The following FAM227A variants were observed in gnomAD, a reference collection of about 807,000 sequenced individuals.
FAM227A encodes the protein family with sequence similarity 227 member A.
FAM227A carries 80 observed loss-of-function variants against 74.7 expected under a neutral mutation model. The ratio of observed to expected loss-of-function variants is 1.07; its 90% CI spans 0.89 to 1.29. FAM227A has a LOEUF of 1.29. Among genes scored for constraint, FAM227A ranks in the 50% most tolerant of loss-of-function variants. FAM227A has a pLI of 0.00. For missense variants in FAM227A, 654 were observed against 683.4 expected (o/e 0.96, Z 0.48); for synonymous variants, 237 against 241.8 (o/e 0.98, Z 0.19).
chr22:38,582,500 C>A lies in FAM227A; in HGVS notation c.*3625G>T. 1 of 1,340,998 alleles carries A rather than the reference C, an allele frequency of 7.5e-7. No homozygotes were observed. The highest frequency in any genetic ancestry group is 1.0e-6 in the Non-Finnish European group (1 of 972,454). 83.1% of individuals were successfully genotyped at this position (1,340,998 alleles called of 1,614,324 possible). A position where few individuals can be genotyped will look rare whatever the true frequency, so the allele number is the denominator to read the frequency against. On this transcript the variant is annotated 3_prime_UTR_variant, in exon 17 of 17. Transcript: ENST00000535113. ...AATGTTAGTTCCCTTTGATGCTCTA[C>A]CCCGCTTCCCTTATAAAGGGCAAAT... is the stretch of plus-strand genomic sequence containing the variant.
chr22:38,631,578 G>A (rs987116217), intron 6 of FAM227A, among the ~76,000 whole-genome samples: 20 of 152,094 alleles, frequency 1.3e-4, no homozygotes, highest in Non-Finnish European at 2.5e-4. Context: ...TGAAGGGAGA[G>A]CTGAGAGCTC....
intron 13 of FAM227A, 69 bp from the exon 14 acceptor site, chr22:38,599,990 A>C: frequency 7.4e-7 from 1 of 1,358,410 alleles, no homozygotes; most frequent in Non-Finnish European, 9.8e-7. Flanking sequence ...AGAACCAGAA[A>C]GGCATCAAAG....
At chr22:38,651,055 C>T (rs2092314901) in intron 1 of FAM227A, among the ~76,000 whole-genome samples, 2 of 152,212 alleles carry the variant, frequency 1.3e-5, no homozygotes, top group African/African-American at 4.8e-5. Flanking sequence ...GCTCCATCTT[C>T]TCCACAGACA....
Position 38,650,023 on chromosome 22 carries a change from A to AT in FAM227A, c.142+3dup. On this transcript the variant is annotated splice_donor_region_variant and intron_variant, in intron 2 of 16. Coordinates refer to ENST00000535113, the MANE Select transcript of FAM227A (RefSeq NM_001013647.2). ...GATTGTAGGTGACATCACCAGAAGG[A>AT]TACAGGGTGGATTGTTCTCTAACTC... 1 of 1,552,256 alleles carries AT rather than the reference A, an allele frequency of 6.4e-7. No homozygotes were observed. Among genetic ancestry groups the AT allele is most frequent in the Non-Finnish European group, 8.7e-7 (1 of 1,147,084 alleles).
chr22:38,595,107 T>C (rs563545138), intron 15 of FAM227A, among the ~76,000 whole-genome samples: 4 of 152,226 alleles, frequency 2.6e-5, no homozygotes, highest in South Asian at 4.2e-4. Context: ...AAAAAATATA[T>C]AAAAATAAAA....
In FAM227A at chr22:38,605,309, T is replaced by C. The variant is rs2091260660; in HGVS notation, c.1166A>G (p.Gln389Arg). ...TGCTTCTGATATCCTCTTGACTTCT[T>C]GCGTAGGTTTCTTCAAGACCAGGGT... Reference protein sequence around the residue: ...CQTLVLKKPTQEVKRISEARE... With the variant: ...CQTLVLKKPTREVKRISEARE... The change falls in exon 13 of 17, where the codon CAA becomes CGA. Residue 389 changes from glutamine to arginine, a missense_variant. By Grantham distance (43) the Gln-to-Arg change is conservative. Transcript: ENST00000535113. The C allele has an allele frequency of 6.4e-7, 1 of 1,551,222 alleles. No individual in the cohort carries two copies. The highest frequency in any genetic ancestry group is 1.4e-5 in the African/African-American group (1 of 73,020).
intron 1 of FAM227A, among the ~76,000 whole-genome samples, chr22:38,655,059 G>C (rs2092373302): frequency 6.6e-6 from 1 of 150,804 alleles, no homozygotes; most frequent in African/African-American, 2.4e-5. Context: ...AGAATGGCGT[G>C]AACCCAGGAG....
chr22:38,610,822 G>C (rs2091397440), intron 11 of FAM227A, among the ~76,000 whole-genome samples: 1 of 152,212 alleles, frequency 6.6e-6, no homozygotes, highest in Non-Finnish European at 1.5e-5. Flanking sequence ...GGCACTTTGG[G>C]AGGCTGGGGA....
At chr22:38,602,422 A>G (rs939739025) in intron 13 of FAM227A, among the ~76,000 whole-genome samples, 2 of 152,230 alleles carry the variant, frequency 1.3e-5, no homozygotes, top group Admixed American at 6.5e-5. Context: ...GAATCACAGA[A>G]ACCTGGAGTT....
At position 38,599,891 on chromosome 22, in the gene FAM227A, T is replaced by G. The variant is rs1370119583; in HGVS notation, c.1252A>C (p.Thr418Pro). ...SCAACKSPEL[T>P]SNLFNIYGKS... ...CCATAAATGTTGAAGAGGTTTGAAG[T>G]CAGCTCAGGGCTTTTGCAGGCAGCA... is the stretch of plus-strand genomic sequence containing the variant. Residue 418 changes from threonine to proline, a missense_variant, in exon 14 of 17, where the codon ACT (threonine) becomes CCT (proline). Coordinates refer to ENST00000535113, the MANE Select transcript of FAM227A (RefSeq NM_001013647.2). The G allele has an allele frequency of 5.2e-6, 8 of 1,550,414 alleles. No individual in the cohort carries two copies. The highest frequency in any genetic ancestry group is 3.3e-4 in the Middle Eastern group (2 of 5,990).
chr22:38,629,667 C>G, intron 6 of FAM227A, among the ~76,000 whole-genome samples: 1 of 152,044 alleles, frequency 6.6e-6, no homozygotes, highest in Non-Finnish European at 1.5e-5. Flanking sequence ...GGTGCCTCTC[C>G]TTTACCATCA....
chr22:38,607,819 A>G (rs1055999156), intron 11 of FAM227A, among the ~76,000 whole-genome samples: 2 of 152,176 alleles, frequency 1.3e-5, no homozygotes, highest in African/African-American at 4.8e-5. Flanking sequence ...TGCAAATTAC[A>G]CGAGTGCTCA....
intron 14 of FAM227A, 58 bp downstream of exon 14, chr22:38,599,706 G>A (rs2091129767): frequency 3.4e-6 from 5 of 1,471,034 alleles, no homozygotes; most frequent in Non-Finnish European, 4.5e-6. Context: ...CTTTGCTTCT[G>A]GGAAGAGGAC....
At chr22:38,613,858 T>C (rs2091519791) in intron 11 of FAM227A, among the ~76,000 whole-genome samples, 1 of 152,146 alleles carries the variant, frequency 6.6e-6, no homozygotes, top group Admixed American at 6.6e-5. Context: ...TGAGATGAAA[T>C]GACTCATCTG....
chr22:38,642,667 G>A (rs922384850), intron 3 of FAM227A, among the ~76,000 whole-genome samples: 37 of 152,240 alleles, frequency 2.4e-4, no homozygotes, highest in African/African-American at 8.7e-4. Context: ...CGGGCGTGGT[G>A]GCTCACGCCT....
In FAM227A at chr22:38,620,302, G is replaced by C; in HGVS notation, c.959-11C>G. ...AAGAAAACTCTCTCCCTATAGAAGG[G>C]GAAAAGCTGTTATTAATTCCTCTTG... is the stretch of plus-strand genomic sequence containing the variant. On this transcript the variant is annotated splice_polypyrimidine_tract_variant and intron_variant, in intron 10 of 16. Transcript: ENST00000535113. 1 of 1,541,848 alleles carries C rather than the reference G, an allele frequency of 6.5e-7. No individual in the cohort carries two copies. Among genetic ancestry groups the C allele is most frequent in the Non-Finnish European group, 8.8e-7 (1 of 1,138,144 alleles).
At chr22:38,608,907 T>C (rs1038563358) in intron 11 of FAM227A, among the ~76,000 whole-genome samples, 1 of 150,426 alleles carries the variant, frequency 6.6e-6, no homozygotes, top group Admixed American at 6.7e-5. Flanking sequence ...GTGATACTCC[T>C]GCCTCAGCTC....
At chr22:38,591,735 GTA>G (rs1491482439) in intron 15 of FAM227A, among the ~76,000 whole-genome samples, 195 bp from the exon 16 acceptor site, 5 of 152,134 alleles carry the variant, frequency 3.3e-5, no homozygotes, top group Admixed American at 2.0e-4. Context: ...GCACGCCCAT[GTA>G]ACCAGCACTC....
intron 4 of FAM227A, among the ~76,000 whole-genome samples, chr22:38,639,185 G>A (rs1025048082): frequency 5.9e-5 from 9 of 152,044 alleles, no homozygotes; most frequent in Admixed American, 2.0e-4. Context: ...TGAGGCAGGC[G>A]GATCACTTGA....
Sources: allele counts gnomAD v4.1 joint callset (sites outside exome capture counted in the v4.1 genomes callset), GRCh38; gene constraint gnomAD v4.1.1; transcripts MANE v1.5; gene names NCBI Gene and HGNC (gene_info 2026-07-23, HGNC 2026-07-21).